Variants in NR2C2 observed in about 807,000 individuals in gnomAD.
The protein encoded by NR2C2 is Nuclear hormone receptor TR4.
A neutral mutation model predicts 62.9 loss-of-function variants in NR2C2; 6 were observed. The observed-to-expected ratio is 0.10, with a 90% confidence interval of 0.05 to 0.19. The LOEUF is 0.19. Among genes scored for constraint, NR2C2 ranks in the 10% least tolerant of loss-of-function variants. The pLI is 1.00. For synonymous variants in NR2C2, 272 were observed against 273.8 expected (o/e 0.99, Z 0.07); for missense variants, 479 against 762.7 (o/e 0.63, Z 4.38).
At chr3:14,958,264 G>A (rs2039584403) in intron 1 of NR2C2, among the ~76,000 whole-genome samples, 1 of 152,128 alleles carries the variant, frequency 6.6e-6, no homozygotes, top group Non-Finnish European at 1.5e-5. Flanking sequence ...CTAGTTCATA[G>A]CAGTTACTTA....
intron 2 of NR2C2, among the ~76,000 whole-genome samples, chr3:15,009,615 C>G (rs181292561): frequency 8.5e-5 from 13 of 152,176 alleles, no homozygotes; most frequent in African/African-American, 3.1e-4. Flanking sequence ...TACTTCATTC[C>G]CCCCAGTTTG....
At chr3:14,951,517 C>T (rs1288760647) in intron 1 of NR2C2, among the ~76,000 whole-genome samples, 3 of 151,616 alleles carry the variant, frequency 2.0e-5, no homozygotes, top group East Asian at 1.9e-4. Flanking sequence ...CTGTCTTGCT[C>T]AAAGATTTTT....
chr3:15,004,426 A>G (rs895087623), intron 2 of NR2C2: 40 of 804,306 alleles, frequency 5.0e-5, no homozygotes, highest in Non-Finnish European at 6.4e-5. Context: ...TCAAAGGGAT[A>G]TTGCTTATAA....
At chr3:14,981,494 G>A (rs1183584755) in intron 1 of NR2C2, among the ~76,000 whole-genome samples, 1 of 151,182 alleles carries the variant, frequency 6.6e-6, no homozygotes, top group Admixed American at 6.6e-5. Context: ...TCCCAGCTAC[G>A]TGGGAGACTG....
chr3:15,006,334 C>T (rs2041170755), intron 2 of NR2C2, among the ~76,000 whole-genome samples: 1 of 152,066 alleles, frequency 6.6e-6, no homozygotes, highest in Admixed American at 6.6e-5. Flanking sequence ...AAAGCAGGTT[C>T]TTTTTACCCT....
At chr3:15,013,515 A>T in intron 2 of NR2C2, 74 bp from the exon 3 acceptor site, 1 of 1,373,250 alleles carries the variant, frequency 7.3e-7, no homozygotes, top group Non-Finnish European at 1.0e-6. Context: ...GGCAGTCACC[A>T]CTTTGAGCAC....
chr3:14,987,563 A>T (rs184383279), intron 1 of NR2C2, among the ~76,000 whole-genome samples: 23 of 152,310 alleles, frequency 1.5e-4, no homozygotes, highest in African/African-American at 5.3e-4. Context: ...TTACCACACT[A>T]TGTAAAAATA....
chr3:15,011,546 T>C (rs2041353051), intron 2 of NR2C2, among the ~76,000 whole-genome samples: 1 of 152,218 alleles, frequency 6.6e-6, no homozygotes. Flanking sequence ...CAAGGTTTTC[T>C]GTCTCATGTT....
chr3:14,949,653 T>C (rs2039285023), intron 1 of NR2C2, among the ~76,000 whole-genome samples: 1 of 152,242 alleles, frequency 6.6e-6, no homozygotes, highest in Non-Finnish European at 1.5e-5. Flanking sequence ...ATATACATTT[T>C]CAGTTCATCA....
chr3:14,971,815 T>TC (rs1326690090), intron 1 of NR2C2, among the ~76,000 whole-genome samples: 1 of 151,090 alleles, frequency 6.6e-6, no homozygotes, highest in Non-Finnish European at 1.5e-5. Flanking sequence ...TTTTTCTTTT[T>TC]TTTTTTTTTT....
intron 1 of NR2C2, among the ~76,000 whole-genome samples, chr3:14,992,598 G>A (rs1356087159): frequency 1.3e-5 from 2 of 152,138 alleles, no homozygotes; most frequent in African/African-American, 2.4e-5. Flanking sequence ...TAAGGTGCAG[G>A]GACTGTGGGA....
rs980646521 is a variant in NR2C2 at position 15,043,894 on chromosome 3, C to T, written c.*886C>T. ...CAGTTCCTCCAGCAAGTGAAAACATCCCCAAGTCACATCCGCCGCTCGTGG... is the reference window on the plus strand; with the variant it reads ...CAGTTCCTCCAGCAAGTGAAAACATTCCCAAGTCACATCCGCCGCTCGTGG... On this transcript the variant is annotated 3_prime_UTR_variant, in exon 14 of 14. Coordinates refer to ENST00000425241, the MANE Select transcript of NR2C2 (RefSeq NM_001291694.2). 4 of 152,232 alleles carry T rather than the reference C, an allele frequency of 2.6e-5. No individual in the cohort carries two copies. Among genetic ancestry groups the T allele is most frequent in the African/African-American group, 9.6e-5 (4 of 41,466 alleles). The allele number at this position is 152,232 out of a possible 1,614,324, so 9.4% of individuals were successfully genotyped here. A position where few individuals can be genotyped will look rare whatever the true frequency, so the allele number is the denominator to read the frequency against.
intron 5 of NR2C2, among the ~76,000 whole-genome samples, chr3:15,021,816 C>T (rs984959877): frequency 5.3e-5 from 8 of 152,188 alleles, no homozygotes; most frequent in African/African-American, 1.7e-4. Context: ...TTGCTGTTGA[C>T]GTTTCTGGGA....
intron 12 of NR2C2, 24 bp downstream of exon 12, chr3:15,038,161 T>C: frequency 6.3e-7 from 1 of 1,596,716 alleles, no homozygotes; most frequent in Non-Finnish European, 8.5e-7. Context: ...TGGGGATGCA[T>C]GACCCCTTTC....
At chr3:14,979,309 T>C (rs1300114770) in intron 1 of NR2C2, among the ~76,000 whole-genome samples, 2 of 152,248 alleles carry the variant, frequency 1.3e-5, no homozygotes, top group Non-Finnish European at 1.5e-5. Flanking sequence ...TGTTCATTGA[T>C]GGACTGCAAG....
intron 1 of NR2C2, among the ~76,000 whole-genome samples, chr3:14,955,938 GTCAC>G (rs1453556444): frequency 1.3e-5 from 2 of 152,128 alleles, no homozygotes; most frequent in Non-Finnish European, 2.9e-5. Context: ...TTCCCTACTA[GTCAC>G]TCACCCAGCC....
At chr3:14,974,489 T>C (rs1460562741) in intron 1 of NR2C2, among the ~76,000 whole-genome samples, 2 of 152,230 alleles carry the variant, frequency 1.3e-5, no homozygotes, top group Admixed American at 6.5e-5. Flanking sequence ...GTTGACTTCA[T>C]AACAGTATTA....
At chr3:14,974,173 T>G (rs2040134348) in intron 1 of NR2C2, among the ~76,000 whole-genome samples, 1 of 152,228 alleles carries the variant, frequency 6.6e-6, no homozygotes, top group Non-Finnish European at 1.5e-5. Flanking sequence ...CTGTAAGAAT[T>G]ATACAGAACC....
rs149627136 is a variant in NR2C2 at position 15,028,273 on chromosome 3, T to G, written c.799-313T>G. On this transcript the variant is annotated intron_variant, in intron 7 of 13. Transcript: ENST00000425241. ...ATGATTCGCAAATATTTTCTCTCAT[T>G]CTGTGAGTTGTCCTTTTGTTTTATG... 1.9e-4 allele frequency among the ~76,000 whole-genome samples: 29 copies of G among 152,384 alleles called. No homozygotes were observed. The East Asian group carries it at 5.6e-3, about 29-fold the overall frequency.
Sources: allele counts gnomAD v4.1 joint callset (sites outside exome capture counted in the v4.1 genomes callset), GRCh38; gene constraint gnomAD v4.1.1; transcripts MANE v1.5; gene names NCBI Gene and HGNC (gene_info 2026-07-23, HGNC 2026-07-21).